LMLN: variants seen among roughly 807,000 people sequenced by gnomAD.
LMLN encodes leishmanolysin like peptidase.
Under a neutral mutation model 92.3 loss-of-function variants are expected in LMLN, and 70 were observed. The ratio of observed to expected loss-of-function variants is 0.76; its 90% CI spans 0.63 to 0.92. LMLN has a LOEUF of 0.92. LMLN is among the 40% of genes least tolerant of loss of function. The probability of loss-of-function intolerance (pLI) is 0.00; values close to 1 mark genes in which losing one functional copy is unlikely to be tolerated. For synonymous variants in LMLN, 308 were observed against 296.2 expected (o/e 1.04, Z -0.41); for missense variants, 691 against 814.6 (o/e 0.85, Z 1.85).
intron 14 of LMLN, among the ~76,000 whole-genome samples, 185 bp from the exon 16 acceptor site, chr3:198,035,648 C>A (rs1723199398): frequency 6.6e-6 from 1 of 152,058 alleles, no homozygotes; most frequent in Non-Finnish European, 1.5e-5. Context: ...GTGTGAGCCA[C>A]CGCGCCCGGC....
At chr3:197,999,510 C>G in intron 11 of LMLN, 168 bp downstream of exon 11, 1 of 597,266 alleles carries the variant, frequency 1.7e-6, no homozygotes, top group East Asian at 2.8e-5. Flanking sequence ...TCCATTCATT[C>G]ATTCGTTCAT....
intron 9 of LMLN, among the ~76,000 whole-genome samples, chr3:197,991,706 G>A (rs189953821): frequency 6.6e-6 from 1 of 152,100 alleles, no homozygotes; most frequent in African/African-American, 2.4e-5. Context: ...CAAATATTTG[G>A]GTACCATGGC....
chr3:197,990,126 G>A (rs529582820), intron 8 of LMLN, among the ~76,000 whole-genome samples: 107 of 152,124 alleles, frequency 7.0e-4, no homozygotes, highest in Admixed American at 2.7e-3. Context: ...GCAGTGGCAC[G>A]AACATGGCTT....
At chr3:197,967,767 T>C (rs1266114186) in intron 1 of LMLN, among the ~76,000 whole-genome samples, 1 of 152,164 alleles carries the variant, frequency 6.6e-6, no homozygotes, top group African/African-American at 2.4e-5. Flanking sequence ...TCAGTCCTTA[T>C]CTCAACCACA....
At chr3:198,013,479 T>C (rs1441340087) in intron 11 of LMLN, among the ~76,000 whole-genome samples, 3 of 137,926 alleles carry the variant, frequency 2.2e-5, no homozygotes, top group Non-Finnish European at 3.1e-5. Context: ...CAGAGCCCCC[T>C]AACTAGTCTG....
Position 197,996,310 on chromosome 3 carries a change from C to T in LMLN, c.1155+28C>T, listed in dbSNP as rs1553820525. 2.3e-6 allele frequency: 3 copies of T among 1,318,946 alleles called. No homozygotes were observed. In the South Asian group the frequency reaches 3.9e-5, roughly 17 times the overall value. 81.7% of individuals were successfully genotyped at this position (1,318,946 alleles called of 1,614,324 possible). On this transcript the variant is annotated intron_variant, in intron 10 of 15. Coordinates refer to ENST00000330198, the Ensembl canonical transcript of LMLN. Reference sequence around the variant, plus strand: ...CAGTTTGTTTTTAAATTTTCCTAGACTTTATTTAATGAAAATAATTCATAA... The same window carrying T: ...CAGTTTGTTTTTAAATTTTCCTAGATTTTATTTAATGAAAATAATTCATAA...
intron 6 of LMLN, chr3:197,980,769 A>G (rs142532869): frequency 3.9e-4 from 128 of 325,034 alleles, no homozygotes; most frequent in Non-Finnish European, 8.0e-5. Context: ...TTCCTCTTCC[A>G]TTTTGATCCT....
At chr3:198,034,632 T>A (rs1030155189) in intron 14 of LMLN, among the ~76,000 whole-genome samples, 7 of 152,118 alleles carry the variant, frequency 4.6e-5, no homozygotes, top group African/African-American at 1.2e-4. Context: ...TAAATTAAAA[T>A]TTTAAAAAAT....
chr3:198,013,455 T>G (rs1722512829), intron 11 of LMLN, among the ~76,000 whole-genome samples: 1 of 133,678 alleles, frequency 7.5e-6, no homozygotes, highest in Non-Finnish European at 1.6e-5. Context: ...CTAGTCTGAC[T>G]TCTCTCCACC....
intron 8 of LMLN, among the ~76,000 whole-genome samples, chr3:197,989,499 AAATT>A (rs1180812863): frequency 9.9e-5 from 15 of 152,172 alleles, no homozygotes; most frequent in Admixed American, 2.0e-4. Context: ...CTTTCCCACT[AAATT>A]AATATGGCAT....
chr3:198,043,251 T>C (rs1723460597), exon 16 of LMLN: 2 of 152,400 alleles, frequency 1.3e-5, no homozygotes. Context: ...CTGTCTGTGC[T>C]GGCTGTGATC....
intron 1 of LMLN, among the ~76,000 whole-genome samples, chr3:197,972,158 G>A (rs143385177): frequency 1.3e-3 from 190 of 151,552 alleles, no homozygotes; most frequent in African/African-American, 4.1e-3. Context: ...ACCGTCTCCC[G>A]AGTTCAAGCA....
chr3:198,038,677 A>C, exon 16 of LMLN: 2 of 1,573,552 alleles, frequency 1.3e-6, no homozygotes, highest in Non-Finnish European at 1.7e-6. Flanking sequence ...GGAATGGAAA[A>C]GTGGATCTTC....
chr3:197,988,204 G>C lies in LMLN; in HGVS notation c.929+2314G>C, dbSNP rs190737672. On this transcript the variant is annotated intron_variant, in intron 8 of 15. Transcript: ENST00000330198. ...TCACTATATTGCCCAGGTGGGTCTC[G>C]AACTCCTGGGCTCAGGCAAGCTTCC... Among the ~76,000 whole-genome samples, 49 of 150,552 alleles carry C rather than the reference G, an allele frequency of 3.3e-4. No individual in the cohort carries two copies. The East Asian group carries it at 9.6e-3, about 29-fold the overall frequency.
chr3:198,036,168 A>T, intron 15 of LMLN, 125 bp downstream of exon 16: 1 of 799,708 alleles, frequency 1.3e-6, no homozygotes, highest in Non-Finnish European at 2.0e-6. Context: ...TGCTGATTGC[A>T]TTTTTATGGG....
chr3:198,007,722 C>T (rs886577457), intron 11 of LMLN, among the ~76,000 whole-genome samples: 1 of 152,152 alleles, frequency 6.6e-6, no homozygotes, highest in African/African-American at 2.4e-5. Context: ...TGCCAAAAGA[C>T]TTGCAGGGAT....
chr3:197,976,556 C>T (rs779352417), intron 4 of LMLN, 42 bp from the exon 5 acceptor site: 3 of 1,133,036 alleles, frequency 2.6e-6, no homozygotes, highest in Non-Finnish European at 3.8e-6. Flanking sequence ...ATAAAATATT[C>T]TCTTTTTTGT....
intron 14 of LMLN, among the ~76,000 whole-genome samples, chr3:198,028,625 G>A (rs1560156029): frequency 6.6e-6 from 1 of 152,034 alleles, no homozygotes; most frequent in Non-Finnish European, 1.5e-5. Flanking sequence ...ATCACCTTTT[G>A]TGCTGATGGC....
At chr3:197,991,666 C>G (rs1417983968) in intron 9 of LMLN, among the ~76,000 whole-genome samples, 4 of 152,098 alleles carry the variant, frequency 2.6e-5, no homozygotes, top group Admixed American at 6.6e-5. Flanking sequence ...CCAGAAAACA[C>G]CTTCACAGAA....
Sources: allele counts gnomAD v4.1 joint callset (sites outside exome capture counted in the v4.1 genomes callset), GRCh38; gene constraint gnomAD v4.1.1; transcripts MANE v1.5; gene names NCBI Gene and HGNC (gene_info 2026-07-23, HGNC 2026-07-21).